The following CIITA variants were observed in gnomAD, a reference collection of about 807,000 sequenced individuals.
The protein encoded by CIITA is MHC class II transactivator.
Under a neutral mutation model 115.1 loss-of-function variants are expected in CIITA, and 72 were observed. That is an observed-to-expected ratio of 0.63 (90% CI 0.52 to 0.76). The LOEUF (loss-of-function observed/expected upper bound fraction) is 0.76, where lower values mean the gene tolerates loss of function less well. CIITA is among the 30% of genes least tolerant of loss of function. The pLI is 0.00. For missense variants in CIITA, 1,617 were observed against 1,463.8 expected, an observed-to-expected ratio of 1.10 and a Z score of -1.71; for synonymous variants, 763 against 635.6, an observed-to-expected ratio of 1.20 and a Z score of -3.02.
At chr16:10,898,762 G>C (rs1451010486) in intron 4 of CIITA, 30 bp downstream of exon 4, 4 of 1,610,796 alleles carry the variant, frequency 2.5e-6, no homozygotes, top group Non-Finnish European at 3.4e-6. Context: ...GGAGGTCTTG[G>C]CTCAGCCTGC....
chr16:10,919,698 C>T (rs2040169941), intron 16 of CIITA, among the ~76,000 whole-genome samples: 2 of 152,040 alleles, frequency 1.3e-5, no homozygotes, highest in Admixed American at 6.6e-5. Context: ...CACTGTTTTA[C>T]AATATTTTAT....
At chr16:10,908,738 C>A (rs1304898809) in intron 11 of CIITA, 3 of 583,202 alleles carry the variant, frequency 5.1e-6, no homozygotes, top group Non-Finnish European at 9.2e-6. Flanking sequence ...TTCCATATTT[C>A]CCCCTAAACA....
intron 7 of CIITA, 127 bp downstream of exon 7, chr16:10,902,311 C>T: frequency 7.3e-7 from 1 of 1,361,318 alleles, no homozygotes; most frequent in South Asian, 1.3e-5. Flanking sequence ...TGTCACTCAC[C>T]TCTGCCCCAG....
chr16:10,909,481 T>G (rs1596562726), intron 12 of CIITA, among the ~76,000 whole-genome samples: 1 of 152,252 alleles, frequency 6.6e-6, no homozygotes, highest in African/African-American at 2.4e-5. Context: ...CTTGTGCACC[T>G]AGTAACAGAA....
chr16:10,908,264 G>T, intron 11 of CIITA, 115 bp downstream of exon 11: 1 of 1,260,078 alleles, frequency 7.9e-7, no homozygotes, highest in Non-Finnish European at 1.1e-6. Context: ...GCCGGGTGGG[G>T]CAGAATGGAT....
chr16:10,908,057 G>T lies in CIITA; in HGVS notation c.2565G>T (p.Ala855=), dbSNP rs2229321. The T allele has an allele frequency of 1.9e-6, 3 of 1,612,956 alleles. No homozygotes were observed. The highest frequency in any genetic ancestry group is 2.5e-6 in the Non-Finnish European group (3 of 1,179,450). Residue 855 remains alanine, a synonymous_variant, in exon 11 of 20, where the codon GCG becomes GCT. Transcript: ENST00000324288. ...AHVLGKALEA[A]GQDFSLDLRS... Reference sequence around the variant, plus strand: ...TACTGGGCAAGGCCTTGGAGGCGGCGGGCCAAGACTTCTCCCTGGACCTCC... The same window carrying T: ...TACTGGGCAAGGCCTTGGAGGCGGCTGGCCAAGACTTCTCCCTGGACCTCC...
upstream of CIITA, among the ~76,000 whole-genome samples, chr16:10,874,345 G>C (rs1310241771): frequency 6.6e-6 from 1 of 152,122 alleles, no homozygotes; most frequent in African/African-American, 2.4e-5. Context: ...GGAAGCCTGG[G>C]GTGGGCTTCA....
chr16:10,911,380 T>C lies in CIITA; in HGVS notation c.2888+1121T>C, dbSNP rs199731972. 3.9e-3 allele frequency among the ~76,000 whole-genome samples: 336 copies of C among 85,598 alleles called. 2 individuals carry two copies. The highest frequency in any genetic ancestry group is 0.013 in the African/African-American group (319 of 25,274). The allele number at this position is 85,598 out of a possible 152,430, so 56.2% of individuals were successfully genotyped here. ...TCTTTCTCTCTGTTTCTTTCTTTCT[T>C]TCTCTCTCTCTCTCCCTTCCTTCCT... On this transcript the variant is annotated intron_variant, in intron 13 of 19. Transcript: ENST00000324288.
rs774946555 is a variant in CIITA at position 10,901,804 on chromosome 16, G to A, written c.482-234G>A. 130 of 687,210 alleles carry A rather than the reference G, an allele frequency of 1.9e-4. No individual in the cohort carries two copies. Among genetic ancestry groups the A allele is most frequent in the East Asian group, 1.1e-3 (41 of 37,778 alleles). 42.6% of individuals were successfully genotyped at this position (687,210 alleles called of 1,614,324 possible). A position where few individuals can be genotyped will look rare whatever the true frequency, so the allele number is the denominator to read the frequency against. On this transcript the variant is annotated intron_variant, in intron 6 of 19. Transcript: ENST00000324288. This position sits in a 1 kb window ranked among gnomAD's most constrained non-coding sequence, Gnocchi z 6.8. ...AGGTTCTATTCTGCCCCAGCTCTCC[G>A]TGTGGAGGCCCTAGGGTCCTGCTCA...
intron 5 of CIITA, among the ~76,000 whole-genome samples, chr16:10,900,676 G>A (rs1018636958): frequency 6.6e-6 from 1 of 151,692 alleles, no homozygotes; most frequent in Non-Finnish European, 1.5e-5. Flanking sequence ...AGAAGCAGAG[G>A]TTGCAGTGAG....
rs1010203956 is a variant in CIITA at position 10,916,539 on chromosome 16, G to C, written c.3062+80G>C. On this transcript the variant is annotated intron_variant, in intron 15 of 19. Coordinates refer to ENST00000324288, the MANE Select transcript of CIITA (RefSeq NM_000246.4). ...ACTTTTTCAAAATTAATTTAAATTT[G>C]TTTTTTTAGACAAGGGCTCGCTGTG... is the stretch of plus-strand genomic sequence containing the variant. 6 of 1,281,814 alleles carry C rather than the reference G, an allele frequency of 4.7e-6. No individual in the cohort carries two copies. The African/African-American group carries it at 8.9e-5, about 19-fold the overall frequency. 79.4% of individuals were successfully genotyped at this position (1,281,814 alleles called of 1,614,324 possible). A position where few individuals can be genotyped will look rare whatever the true frequency, so the allele number is the denominator to read the frequency against.
intron 12 of CIITA, 106 bp from the exon 13 acceptor site, chr16:10,910,082 A>G: frequency 3.3e-6 from 3 of 903,672 alleles, no homozygotes; most frequent in South Asian, 2.8e-5. Flanking sequence ...AAGGAAAGCA[A>G]TCCCCCTGGG....
At position 10,910,207 on chromosome 16, in the gene CIITA, G is replaced by T. The variant is rs1257353166; in HGVS notation, c.2836G>T (p.Asp946Tyr). The T allele has an allele frequency of 1.9e-6, 3 of 1,614,118 alleles. No individual in the cohort carries two copies. In the South Asian group the frequency reaches 3.3e-5, roughly 18 times the overall value. ...CTCCAGGACGAGAAGTTCCTCGGAA[G>T]ACACAGCTGGGGAGCTCCCTGCTGT... ...QTQRTRSSSE[D>Y]TAGELPAVRD... The change falls in exon 13 of 20, where the codon GAC (aspartate) becomes TAC (tyrosine). Residue 946 changes from aspartate to tyrosine, a missense_variant. Physicochemically the swap from Asp to Tyr is radical, Grantham distance 160 (BLOSUM62 -3). Coordinates refer to ENST00000324288, the MANE Select transcript of CIITA (RefSeq NM_000246.4).
At chr16:10,884,378 A>G (rs1372312779) in intron 1 of CIITA, among the ~76,000 whole-genome samples, 1 of 152,202 alleles carries the variant, frequency 6.6e-6, no homozygotes, top group Non-Finnish European at 1.5e-5. Context: ...TTTGCATCCC[A>G]CAGTTCCCAG....
At chr16:10,916,552 A>C in intron 15 of CIITA, 93 bp downstream of exon 15, 2 of 1,088,446 alleles carry the variant, frequency 1.8e-6, no homozygotes, top group Non-Finnish European at 2.7e-6. Flanking sequence ...TTTTTAGACA[A>C]GGGCTCGCTG....
Position 10,924,823 on chromosome 16 carries a change from T to C in CIITA, c.*968T>C, listed in dbSNP as rs1018958997. ...ACTGGAAGCACAGCTTCATTTCCTG[T>C]GTCTTTTTTCACTACATTATAAATG... On this transcript the variant is annotated 3_prime_UTR_variant, in exon 20 of 20. Transcript: ENST00000324288. The C allele has an allele frequency of 5.9e-5, 9 of 152,258 alleles. No individual in the cohort carries two copies. Among genetic ancestry groups the C allele is most frequent in the African/African-American group, 1.7e-4 (7 of 41,468 alleles). 9.4% of individuals were successfully genotyped at this position (152,258 alleles called of 1,614,324 possible).
Position 10,901,875 on chromosome 16 carries a change from C to A in CIITA, c.482-163C>A, listed in dbSNP as rs1277175490. 5 of 1,031,824 alleles carry A rather than the reference C, an allele frequency of 4.8e-6. No individual in the cohort carries two copies. Among genetic ancestry groups the A allele is most frequent in the Non-Finnish European group, 7.4e-6 (5 of 677,814 alleles). The allele number at this position is 1,031,824 out of a possible 1,614,324, so 63.9% of individuals were successfully genotyped here. A position where few individuals can be genotyped will look rare whatever the true frequency, so the allele number is the denominator to read the frequency against. On this transcript the variant is annotated intron_variant, in intron 6 of 19. Coordinates refer to ENST00000324288, the MANE Select transcript of CIITA (RefSeq NM_000246.4). This position sits in a 1 kb window ranked among gnomAD's most constrained non-coding sequence, Gnocchi z 6.8. ...TCACAAGGAGAGGACTGGGGGACTG[C>A]CTGGCACAGAGCAGTTGCTGATCAA...
At chr16:10,886,263 A>G (rs193103164) in intron 1 of CIITA, among the ~76,000 whole-genome samples, 8 of 152,076 alleles carry the variant, frequency 5.3e-5, no homozygotes, top group East Asian at 1.9e-4. Context: ...TGCATTCTGT[A>G]CTATGTTTTT....
chr16:10,922,175 A>G lies in CIITA; in HGVS notation c.3158A>G (p.Asn1053Ser). The G allele has an allele frequency of 6.2e-7, 1 of 1,614,210 alleles. No individual in the cohort carries two copies. The highest frequency in any genetic ancestry group is 8.5e-7 in the Non-Finnish European group (1 of 1,180,040). Residue 1053 changes from asparagine (N) to serine (S), a missense_variant, in exon 17 of 20, where the codon AAT (asparagine) becomes AGT (serine). Transcript: ENST00000324288. ...AASLLRLSLY[N>S]NCICDVGAES... is the part of the protein sequence containing the mutation. ...GCCTCTGTTTCCGACAGCTTGTACA[A>G]TAACTGCATCTGCGACGTGGGAGCC...
Sources: allele counts gnomAD v4.1 joint callset (sites outside exome capture counted in the v4.1 genomes callset), GRCh38; gene constraint gnomAD v4.1.1; non-coding constraint Gnocchi (gnomAD v3.1); transcripts MANE v1.5; gene names NCBI Gene and HGNC (gene_info 2026-07-23, HGNC 2026-07-21).